Variants in NBAS observed in about 807,000 individuals in gnomAD.
NBAS encodes the protein NBAS subunit of NRZ tethering complex.
Under a neutral mutation model 302.5 loss-of-function variants are expected in NBAS, and 219 were observed. The ratio of observed to expected loss-of-function variants is 0.72; its 90% CI spans 0.65 to 0.81. NBAS has a LOEUF of 0.81. NBAS is among the 30% of genes least tolerant of loss of function. The probability of loss-of-function intolerance (pLI) is 0.00; values close to 1 mark genes in which losing one functional copy is unlikely to be tolerated. For synonymous variants in NBAS, 1,118 were observed against 1,021.6 expected, an observed-to-expected ratio of 1.09 and a Z score of -1.80; for missense variants, 2,932 against 2,841.6, an observed-to-expected ratio of 1.03 and a Z score of -0.72.
intron 12 of NBAS, among the ~76,000 whole-genome samples, chr2:15,484,900 A>G (rs537264479): frequency 7.2e-5 from 11 of 152,320 alleles, no homozygotes; most frequent in African/African-American, 2.6e-4. Flanking sequence ...CCTGTTACAC[A>G]TAGGCTTTAT....
At chr2:15,544,256 G>A (rs1663995325) in intron 6 of NBAS, among the ~76,000 whole-genome samples, 1 of 152,088 alleles carries the variant, frequency 6.6e-6, no homozygotes, top group Non-Finnish European at 1.5e-5. Context: ...TGTTAATAGT[G>A]TCGCCAGAAG....
rs139313921 is a variant in NBAS at position 15,415,676 on chromosome 2, A to G, written c.2807T>C (p.Val936Ala). 1 of 1,614,104 alleles carries G rather than the reference A, an allele frequency of 6.2e-7. No individual in the cohort carries two copies. Among genetic ancestry groups the G allele is most frequent in the Non-Finnish European group, 8.5e-7 (1 of 1,180,042 alleles). ...TTTCTCACAACGATGAAGAAAGGGA[A>G]CCATCCACTGGTAGGCACTTGTCAC... ...KYVTSAYQWMVPFLHRCEKQS... is the reference protein window; with the variant it reads ...KYVTSAYQWMAPFLHRCEKQS... The change falls in exon 25 of 52, where the codon GTT becomes GCT. Residue 936 changes from valine (V) to alanine (A), a missense_variant. By Grantham distance (64) the Val-to-Ala change is moderately conservative. Transcript: ENST00000281513.
At chr2:14,824,958 T>C in the NBAS span, among the ~76,000 whole-genome samples, 1 of 152,198 alleles carries the variant, frequency 6.6e-6, no homozygotes, top group South Asian at 2.1e-4. Flanking sequence ...AAGGGGTACC[T>C]GGAGAAGAAT....
chr2:14,946,732 C>T, the NBAS span, among the ~76,000 whole-genome samples: 1 of 152,114 alleles, frequency 6.6e-6, no homozygotes, highest in Non-Finnish European at 1.5e-5. Flanking sequence ...TAGAATAAAC[C>T]TTTTCATCAG....
chr2:15,264,052 AGAG>A (rs952695941), intron 44 of NBAS, among the ~76,000 whole-genome samples: 7 of 152,204 alleles, frequency 4.6e-5, no homozygotes, highest in African/African-American at 1.7e-4. Context: ...TACTTAAATG[AGAG>A]GAGGGAGCTT....
At chr2:15,125,713 C>T in the NBAS span, among the ~76,000 whole-genome samples, 1 of 152,144 alleles carries the variant, frequency 6.6e-6, no homozygotes, top group Non-Finnish European at 1.5e-5. Context: ...TTTCTTTGGG[C>T]CAGTTTCTCC....
At chr2:15,088,578 G>C in the NBAS span, among the ~76,000 whole-genome samples, 2 of 152,146 alleles carry the variant, frequency 1.3e-5, no homozygotes, top group East Asian at 1.9e-4. Flanking sequence ...ATTCACTCCT[G>C]CTGGGTCTGT....
At chr2:15,099,028 C>T in the NBAS span, among the ~76,000 whole-genome samples, 2 of 152,006 alleles carry the variant, frequency 1.3e-5, no homozygotes, top group East Asian at 1.9e-4. Context: ...GATTTTAGGT[C>T]GGGGACCATG....
chr2:15,009,609 C>G, the NBAS span, among the ~76,000 whole-genome samples: 1 of 80,440 alleles, frequency 1.2e-5, no homozygotes, highest in Non-Finnish European at 3.7e-5. Context: ...ATCATACACA[C>G]ACACACACAC....
At chr2:14,824,644 G>T in the NBAS span, among the ~76,000 whole-genome samples, 1 of 152,130 alleles carries the variant, frequency 6.6e-6, no homozygotes, top group African/African-American at 2.4e-5. Context: ...GAATCCTCCA[G>T]GTGAAGAGCA....
chr2:15,345,645 G>GA (rs1286421497), intron 35 of NBAS, among the ~76,000 whole-genome samples: 7 of 152,116 alleles, frequency 4.6e-5, no homozygotes, highest in African/African-American at 1.2e-4. Context: ...CACAGAATTA[G>GA]AAAAAACTAC....
intron 26 of NBAS, 89 bp from the exon 27 acceptor site, chr2:15,396,564 G>GAAAC: frequency 1.1e-6 from 1 of 871,792 alleles, no homozygotes. Flanking sequence ...GTGAAAAAAA[G>GAAAC]ATGTTTCTTT....
At chr2:14,895,694 C>T in the NBAS span, among the ~76,000 whole-genome samples, 2 of 149,758 alleles carry the variant, frequency 1.3e-5, no homozygotes, top group Admixed American at 6.7e-5. Context: ...GAGCTGAGAT[C>T]GCGCCACCGC....
the NBAS span, among the ~76,000 whole-genome samples, chr2:15,118,879 C>T: frequency 1.3e-5 from 2 of 152,240 alleles, no homozygotes; most frequent in African/African-American, 4.8e-5. Flanking sequence ...TCAGCCACTA[C>T]ATTCTGGGGT....
At chr2:15,314,198 A>G (rs541747955) in intron 38 of NBAS, among the ~76,000 whole-genome samples, 1 of 152,244 alleles carries the variant, frequency 6.6e-6, no homozygotes, top group Admixed American at 6.5e-5. Context: ...TACTAAAAAT[A>G]CAAAAAAACT....
the NBAS span, among the ~76,000 whole-genome samples, chr2:14,861,291 T>G: frequency 1.3e-5 from 2 of 152,242 alleles, no homozygotes; most frequent in African/African-American, 4.8e-5. Flanking sequence ...AATACGTGTT[T>G]TGTTTTATGG....
At chr2:15,024,288 CAAA>C in the NBAS span, among the ~76,000 whole-genome samples, 4 of 150,366 alleles carry the variant, frequency 2.7e-5, no homozygotes, top group South Asian at 2.1e-4. Flanking sequence ...AATGTTCCTG[CAAA>C]AAAAAAAACA....
chr2:14,826,411 T>C, the NBAS span, among the ~76,000 whole-genome samples: 2 of 152,250 alleles, frequency 1.3e-5, no homozygotes, highest in Admixed American at 1.3e-4. Context: ...TAAGACACTG[T>C]ATTTAATGGG....
Position 15,485,387 on chromosome 2 carries a change from T to C in NBAS, c.1083+3507A>G, listed in dbSNP as rs557161596. Among the ~76,000 whole-genome samples the C allele has an allele frequency of 2.6e-5, 4 of 152,320 alleles. No homozygotes were observed. The East Asian group carries it at 7.7e-4, about 29-fold the overall frequency. On this transcript the variant is annotated intron_variant, in intron 12 of 51. Coordinates refer to ENST00000281513, the MANE Select transcript of NBAS (RefSeq NM_015909.4). ...GCCACTAAATAACTAATAACACAAG[T>C]ATTGTGGGAAAAAATGTGTGTAGTA...
Sources: gnomAD v4.1 joint callset for allele counts (sites outside exome capture counted in the v4.1 genomes callset) on GRCh38, gnomAD v4.1.1 for gene constraint, MANE v1.5 for transcripts, NCBI Gene and HGNC (gene_info 2026-07-23, HGNC 2026-07-21) for gene names.